PDE4B: variants seen among roughly 807,000 people sequenced by gnomAD.
PDE4B encodes phosphodiesterase 4B.
In PDE4B, 20 loss-of-function variants were observed where a neutral mutation model predicts 82.2. The observed-to-expected ratio is 0.24, with a 90% confidence interval of 0.17 to 0.35. The LOEUF is 0.35. PDE4B is among the 10% of genes least tolerant of loss of function. The probability of loss-of-function intolerance (pLI) is 1.00; values close to 1 mark genes in which losing one functional copy is unlikely to be tolerated. For synonymous variants in PDE4B, 320 were observed against 318.9 expected (o/e 1.00, Z -0.04); for missense variants, 655 against 907.2 (o/e 0.72, Z 3.57).
chr1:66,071,770 A>G (rs1656166718), intron 3 of PDE4B, among the ~76,000 whole-genome samples: 1 of 152,202 alleles, frequency 6.6e-6, no homozygotes, highest in African/African-American at 2.4e-5. Flanking sequence ...AGATGCTGTA[A>G]GACTACGTGT....
intron 9 of PDE4B, 137 bp downstream of exon 9, chr1:66,355,757 G>A: frequency 1.9e-6 from 1 of 513,156 alleles, no homozygotes; most frequent in Admixed American, 3.5e-5. Context: ...TAATAACTAA[G>A]GCCAGTCTTC....
At position 65,839,454 on chromosome 1, in the gene PDE4B, G is replaced by GT. The variant is rs564585174; in HGVS notation, c.-71+46208dup. 4.3e-3 allele frequency among the ~76,000 whole-genome samples: 657 copies of GT among 152,120 alleles called. 7 individuals carry two copies. The highest frequency in any genetic ancestry group is 0.013 in the African/African-American group (523 of 41,496). ...ACCCTGACAGGCCCCTGTGTGTGATGTTCCCCTTCCTGTGTCCATGTGTTC... is the reference window on the plus strand; with the variant it reads ...ACCCTGACAGGCCCCTGTGTGTGATGTTTCCCCTTCCTGTGTCCATGTGTTC... On this transcript the variant is annotated intron_variant, in intron 1 of 16. Coordinates refer to ENST00000341517, the MANE Select transcript of PDE4B (RefSeq NM_002600.4).
chr1:65,829,742 A>G (rs1646059868), intron 1 of PDE4B, among the ~76,000 whole-genome samples: 1 of 152,196 alleles, frequency 6.6e-6, no homozygotes. Context: ...TTTAAAACAA[A>G]ACGAAACAAA....
At chr1:66,108,810 AC>A (rs1645425893) in intron 3 of PDE4B, among the ~76,000 whole-genome samples, 1 of 152,008 alleles carries the variant, frequency 6.6e-6, no homozygotes, top group South Asian at 2.1e-4. Flanking sequence ...GTTTCTGCTT[AC>A]AAAGCTGTTT....
At chr1:66,294,398 A>T (rs1301230956) in intron 7 of PDE4B, among the ~76,000 whole-genome samples, 1 of 152,160 alleles carries the variant, frequency 6.6e-6, no homozygotes, top group Non-Finnish European at 1.5e-5. Flanking sequence ...TGACCCACAA[A>T]ACACAATTTT....
At chr1:66,359,759 CA>C (rs929427582) in intron 9 of PDE4B, among the ~76,000 whole-genome samples, 9 of 151,954 alleles carry the variant, frequency 5.9e-5, no homozygotes, top group African/African-American at 2.2e-4. Context: ...TTCATTTTAG[CA>C]AAAAGTAGTA....
At chr1:65,805,184 C>T (rs943434992) in intron 1 of PDE4B, among the ~76,000 whole-genome samples, 3 of 152,084 alleles carry the variant, frequency 2.0e-5, no homozygotes, top group Admixed American at 6.5e-5. Flanking sequence ...AGGCTGGTCT[C>T]GAACTCCTGA....
intron 3 of PDE4B, among the ~76,000 whole-genome samples, chr1:66,174,585 A>T (rs1411110960): frequency 6.6e-6 from 1 of 152,028 alleles, no homozygotes; most frequent in Non-Finnish European, 1.5e-5. Context: ...GTGAAACCCC[A>T]TCTCTACTAG....
rs182794942 is a variant in PDE4B at position 65,860,870 on chromosome 1, C to T, written c.-70-52375C>T. Among the ~76,000 whole-genome samples the T allele has an allele frequency of 3.2e-4, 49 of 152,284 alleles. 3 individuals are homozygous for T. Among genetic ancestry groups the T allele is most frequent in the African/African-American group, 1.1e-3 (45 of 41,554 alleles). ...CTTTTGAGAAATGTCTGTTCATATC[C>T]TTCACCCACTTTTTGATGGGGACAT... On this transcript the variant is annotated intron_variant, in intron 1 of 16. Coordinates refer to ENST00000341517, the MANE Select transcript of PDE4B (RefSeq NM_002600.4).
intron 3 of PDE4B, among the ~76,000 whole-genome samples, chr1:65,941,572 TG>T (rs895795162): frequency 6.6e-6 from 1 of 151,898 alleles, no homozygotes; most frequent in Non-Finnish European, 1.5e-5. Context: ...ATAGAGTTAC[TG>T]GGGGAGGCAG....
intron 1 of PDE4B, among the ~76,000 whole-genome samples, chr1:65,856,992 T>A (rs1646400618): frequency 6.6e-6 from 1 of 152,172 alleles, no homozygotes; most frequent in Non-Finnish European, 1.5e-5. Flanking sequence ...TTGTCTTTGA[T>A]GGTACAATTG....
chr1:65,892,490 T>G (rs986549788), intron 1 of PDE4B, among the ~76,000 whole-genome samples: 2 of 152,092 alleles, frequency 1.3e-5, no homozygotes, highest in Non-Finnish European at 2.9e-5. Context: ...TCATGATGTC[T>G]TCAGCTCCCT....
intron 3 of PDE4B, among the ~76,000 whole-genome samples, chr1:66,192,038 G>A (rs533957351): frequency 3.5e-4 from 54 of 152,208 alleles, no homozygotes; most frequent in African/African-American, 1.3e-3. Context: ...AACCATATCA[G>A]AAGTCTTTTT....
chr1:66,242,390 G>A (rs1331064486), intron 3 of PDE4B, among the ~76,000 whole-genome samples: 1 of 152,236 alleles, frequency 6.6e-6, no homozygotes, highest in Non-Finnish European at 1.5e-5. Flanking sequence ...CCAAAAGGCA[G>A]TGAACCATTC....
At chr1:66,075,895 A>G (rs1656405897) in intron 3 of PDE4B, among the ~76,000 whole-genome samples, 1 of 41,218 alleles carries the variant, frequency 2.4e-5, no homozygotes, top group Non-Finnish European at 6.2e-5. Flanking sequence ...ACATTTAAAC[A>G]AAACAAAACA....
intron 7 of PDE4B, among the ~76,000 whole-genome samples, chr1:66,272,678 C>T (rs1213062263): frequency 1.3e-5 from 2 of 151,532 alleles, no homozygotes; most frequent in African/African-American, 2.4e-5. Flanking sequence ...TTTATTGTTC[C>T]ATCATCCTGT....
intron 3 of PDE4B, among the ~76,000 whole-genome samples, chr1:66,143,566 G>A (rs957930976): frequency 6.6e-6 from 1 of 152,156 alleles, no homozygotes. Flanking sequence ...CCATATAGTG[G>A]AATAGCAGAC....
At chr1:65,874,395 T>C (rs2100312892) in intron 1 of PDE4B, among the ~76,000 whole-genome samples, 1 of 152,314 alleles carries the variant, frequency 6.6e-6, no homozygotes, top group East Asian at 1.9e-4. Context: ...TTTTCCTAAT[T>C]GAATACCCTT....
intron 3 of PDE4B, chr1:65,992,663 T>C (rs1448415177): frequency 2.6e-5 from 31 of 1,177,682 alleles, no homozygotes; most frequent in Admixed American, 2.5e-4. Flanking sequence ...GCTACTGACA[T>C]TGGAAGCACT....
Sources: allele counts gnomAD v4.1 joint callset (sites outside exome capture counted in the v4.1 genomes callset), GRCh38; gene constraint gnomAD v4.1.1; transcripts MANE v1.5; gene names NCBI Gene and HGNC (gene_info 2026-07-23, HGNC 2026-07-21).